Variants in NFIC observed in about 807,000 individuals in gnomAD.
NFIC encodes the protein nuclear factor 1 C-type.
A neutral mutation model predicts 54.4 loss-of-function variants in NFIC; 12 were observed. The observed-to-expected ratio is 0.22, with a 90% CI of 0.14 to 0.36. The LOEUF (loss-of-function observed/expected upper bound fraction) is 0.36. Ranked by LOEUF, NFIC falls within the 10% of genes least tolerant of loss-of-function variation. The pLI is 1.00. For missense variants in NFIC, 575 were observed against 718.2 expected (o/e 0.80, Z 2.28); for synonymous variants, 322 against 319.2 (o/e 1.01, Z -0.09).
chr19:3,400,894 G>A (rs185221704), intron 2 of NFIC, among the ~76,000 whole-genome samples: 6 of 152,230 alleles, frequency 3.9e-5, no homozygotes, highest in African/African-American at 1.4e-4. Context: ...TTAGCGATAA[G>A]GACTATCAAG....
intron 2 of NFIC, among the ~76,000 whole-genome samples, chr19:3,388,859 G>T (rs1170163624): frequency 5.3e-5 from 8 of 151,838 alleles, no homozygotes; most frequent in African/African-American, 1.7e-4. Context: ...GGTGATTGAG[G>T]CCAGGTGTGG....
intron 6 of NFIC, among the ~76,000 whole-genome samples, chr19:3,435,537 G>T (rs567033352): frequency 3.3e-5 from 5 of 152,346 alleles, no homozygotes; most frequent in African/African-American, 1.2e-4. Context: ...TCAACAGGGC[G>T]CCTCTTCCTG....
chr19:3,447,334 G>A lies in NFIC; in HGVS notation c.959-1680G>A, dbSNP rs560726428. Among the ~76,000 whole-genome samples, 19 of 150,664 alleles carry A rather than the reference G, an allele frequency of 1.3e-4. No homozygotes were observed. The South Asian group carries it at 3.8e-3, about 30-fold the overall frequency. ...AAAAAAAAAAGACACAGCCCCAGAA[G>A]GCCAGGCATTTCGGCTCCAGAGCTG... On this transcript the variant is annotated intron_variant, in intron 6 of 10. Transcript: ENST00000443272.
Position 3,449,027 on chromosome 19 carries a change from G to T in NFIC, c.972G>T (p.Pro324=), listed in dbSNP as rs771944664. 2 of 1,612,786 alleles carry T rather than the reference G, an allele frequency of 1.2e-6. No homozygotes were observed. Among genetic ancestry groups the T allele is most frequent in the African/African-American group, 1.3e-5 (1 of 74,872 alleles). The change falls in exon 7 of 11, where the codon CCG becomes CCT. Residue 324 remains proline, a synonymous_variant. Transcript: ENST00000443272. The part of the protein sequence containing the change: ...TEDMEGGISS[P]VKKTEMDKSP... ...TCCCCTCCACAGGCATCTCGTCCCCGGTGAAGAAGACAGAGATGGACAAGT... is the reference window on the plus strand; with the variant it reads ...TCCCCTCCACAGGCATCTCGTCCCCTGTGAAGAAGACAGAGATGGACAAGT...
chr19:3,361,720 TCA>T (rs2080814093), upstream of NFIC, among the ~76,000 whole-genome samples: 6 of 152,046 alleles, frequency 3.9e-5, no homozygotes, highest in Admixed American at 3.9e-4. Context: ...AGCCTCAGAC[TCA>T]CAGCTATCTC....
Position 3,463,625 on chromosome 19 carries a change from T to TCCACCCC in NFIC, c.*865_*871dup, listed in dbSNP as rs2082674131. Reference sequence around the variant, plus strand: ...TCTCTATGCAATTGGCCCCGGCCCCTCCACCCCCCACCCCCGGCATAGGAG... The same window carrying TCCACCCC: ...TCTCTATGCAATTGGCCCCGGCCCCTCCACCCCCCACCCCCCACCCCCGGCATAGGAG... On this transcript the variant is annotated 3_prime_UTR_variant, in exon 11 of 11. Transcript: ENST00000443272. 13 of 139,884 alleles carry TCCACCCC rather than the reference T, an allele frequency of 9.3e-5. No homozygotes were observed. The highest frequency in any genetic ancestry group is 1.1e-4 in the Non-Finnish European group (13 of 119,368). 8.7% of individuals were successfully genotyped at this position (139,884 alleles called of 1,614,324 possible). A position where few individuals can be genotyped will look rare whatever the true frequency, so the allele number is the denominator to read the frequency against.
At position 3,382,146 on chromosome 19, in the gene NFIC, G is replaced by T. The variant is rs564160469; in HGVS notation, c.465G>T (p.Ala155=). The T allele has an allele frequency of 6.2e-7, 1 of 1,613,286 alleles. No individual in the cohort carries two copies. The highest frequency in any genetic ancestry group is 1.7e-5 in the Admixed American group (1 of 60,024). ...ACGGCGAGCGCCTGGTCAAGGCTGCGCAGTGCGGTCACCCGGTCCTGTGCG... is the reference window on the plus strand; with the variant it reads ...ACGGCGAGCGCCTGGTCAAGGCTGCTCAGTGCGGTCACCCGGTCCTGTGCG... ...STDGERLVKA[A]QCGHPVLCVQ... Residue 155 remains alanine, a synonymous_variant, in exon 2 of 11, where the codon GCG becomes GCT. Coordinates refer to ENST00000443272, the MANE Select transcript of NFIC (RefSeq NM_001245002.2).
At chr19:3,435,058 C>T (rs768321260) in intron 5 of NFIC, 25 bp from the exon 6 acceptor site, 1 of 1,562,854 alleles carries the variant, frequency 6.4e-7, no homozygotes, top group Non-Finnish European at 8.7e-7. Flanking sequence ...TGGTAACCAG[C>T]CTCTCCCCTT....
intron 6 of NFIC, among the ~76,000 whole-genome samples, chr19:3,446,109 C>T (rs11085020): frequency 0.67 from 102,096 of 152,054 alleles, 34,864 homozygotes; most frequent in African/African-American, 0.75. Context: ...TATTGAGTTA[C>T]GTCACTGCTC....
intron 6 of NFIC, among the ~76,000 whole-genome samples, chr19:3,439,262 A>T (rs1430338271): frequency 7.3e-6 from 1 of 136,120 alleles, no homozygotes; most frequent in Non-Finnish European, 1.5e-5. Flanking sequence ...TTAAGACGGG[A>T]GGTCAAAGCT....
chr19:3,429,271 C>T (rs1161479555), intron 3 of NFIC, among the ~76,000 whole-genome samples: 3 of 138,994 alleles, frequency 2.2e-5, no homozygotes, highest in East Asian at 4.4e-4. Flanking sequence ...CACACACACA[C>T]ACACACACAC....
chr19:3,454,368 C>A, intron 9 of NFIC: 2 of 727,518 alleles, frequency 2.7e-6, no homozygotes, highest in Non-Finnish European at 3.4e-6. Context: ...AGAGTTCTGG[C>A]TTCTTGGGGA....
chr19:3,433,010 G>T (rs1013112171), intron 3 of NFIC, among the ~76,000 whole-genome samples: 2 of 151,712 alleles, frequency 1.3e-5, no homozygotes, highest in East Asian at 3.9e-4. Flanking sequence ...TGTTTCCCAG[G>T]CTGGAGTGCA....
At chr19:3,377,211 G>T (rs2081123043) in intron 1 of NFIC, among the ~76,000 whole-genome samples, 1 of 151,256 alleles carries the variant, frequency 6.6e-6, no homozygotes, top group African/African-American at 2.4e-5. Context: ...GCGGGTGCCT[G>T]TAGTCCCAGC....
rs1356727986 is a variant in NFIC, at chr19:3,407,337, TCTC to T, written c.563-17766_563-17764del. On this transcript the variant is annotated intron_variant, in intron 2 of 10. Coordinates refer to ENST00000443272, the MANE Select transcript of NFIC (RefSeq NM_001245002.2). Reference sequence around the variant, plus strand: ...ACTGTGTTAGCCAGGATGGTCTCGATCTCCTGACCTCGTGATCCACCCGCCTCG... The same window carrying T: ...ACTGTGTTAGCCAGGATGGTCTCGATCTGACCTCGTGATCCACCCGCCTCG... 2.6e-5 allele frequency among the ~76,000 whole-genome samples: 4 copies of T among 151,926 alleles called. No individual in the cohort carries two copies. In the East Asian group the frequency reaches 7.8e-4, roughly 29 times the overall value.
intron 3 of NFIC, among the ~76,000 whole-genome samples, chr19:3,425,755 C>T (rs183896831): frequency 2.7e-5 from 4 of 149,350 alleles, no homozygotes; most frequent in East Asian, 4.1e-4. Context: ...CCACCGTGCC[C>T]GGCCTGTTTG....
chr19:3,463,089 C>T lies in NFIC; in HGVS notation c.*320C>T. On this transcript the variant is annotated 3_prime_UTR_variant, in exon 11 of 11. Transcript: ENST00000443272. ...AGGCCCCGCCACCCCCACGGGAGAC[C>T]CGGGACAGGGCGTCTTCCTAAGTTA... The T allele has an allele frequency of 7.8e-7, 1 of 1,285,124 alleles. No individual in the cohort carries two copies. The allele number at this position is 1,285,124 out of a possible 1,614,324, so 79.6% of individuals were successfully genotyped here. A position where few individuals can be genotyped will look rare whatever the true frequency, so the allele number is the denominator to read the frequency against.
At chr19:3,417,847 C>G (rs922957099) in intron 2 of NFIC, among the ~76,000 whole-genome samples, 1 of 147,738 alleles carries the variant, frequency 6.8e-6, no homozygotes, top group African/African-American at 2.5e-5. Flanking sequence ...ACCATGTTAG[C>G]CAGGATGGTC....
chr19:3,388,172 G>C (rs1015642975), intron 2 of NFIC, among the ~76,000 whole-genome samples: 2 of 152,076 alleles, frequency 1.3e-5, no homozygotes, highest in East Asian at 3.9e-4. Context: ...AGCCCGGCCC[G>C]GGAAGCTCAT....
Sources: allele counts gnomAD v4.1 joint callset (sites outside exome capture counted in the v4.1 genomes callset), GRCh38; gene constraint gnomAD v4.1.1; transcripts MANE v1.5; gene names NCBI Gene and HGNC (gene_info 2026-07-23, HGNC 2026-07-21).